The following IGF1 variants were observed in gnomAD, a reference collection of about 807,000 sequenced individuals.
The protein encoded by IGF1 is insulin like growth factor 1.
IGF1 carries 4 observed loss-of-function variants against 13.8 expected under a neutral mutation model. That is an observed-to-expected ratio of 0.29 (90% CI 0.14 to 0.66). IGF1 has a LOEUF of 0.66. Among genes scored for constraint, IGF1 ranks in the 30% least tolerant of loss-of-function variants. IGF1 has a pLI of 0.78. For synonymous variants in IGF1, 76 were observed against 72.6 expected (o/e 1.05, Z -0.23); for missense variants, 124 against 188.5 (o/e 0.66, Z 2.00).
At chr12:102,415,135 C>G (rs1592747102) in intron 3 of IGF1, among the ~76,000 whole-genome samples, 1 of 152,162 alleles carries the variant, frequency 6.6e-6, no homozygotes, top group Non-Finnish European at 1.5e-5. Context: ...GTACTTGCCT[C>G]ACTGTCTTGT....
intron 2 of IGF1, among the ~76,000 whole-genome samples, chr12:102,429,088 G>C (rs1876503069): frequency 6.6e-6 from 1 of 152,122 alleles, no homozygotes; most frequent in Non-Finnish European, 1.5e-5. Flanking sequence ...TCTATACGAA[G>C]AGTGCTCAAG....
intron 2 of IGF1, among the ~76,000 whole-genome samples, chr12:102,470,015 G>A (rs1198107108): frequency 6.6e-6 from 1 of 151,988 alleles, no homozygotes; most frequent in Non-Finnish European, 1.5e-5. Flanking sequence ...TAATTAATTG[G>A]GCCGTTCATA....
rs1048609295 is a variant in IGF1, at chr12:102,396,748, A to G, written c.*5759T>C. On this transcript the variant is annotated 3_prime_UTR_variant, in exon 4 of 4. Coordinates refer to ENST00000337514, the MANE Select transcript of IGF1 (RefSeq NM_000618.5). Reference sequence around the variant, plus strand: ...AGAAACTCTGTCTCCATCTTAACTCATATTTCAGTTGAGCAGTAACATTTG... The same window carrying G: ...AGAAACTCTGTCTCCATCTTAACTCGTATTTCAGTTGAGCAGTAACATTTG... The G allele has an allele frequency of 5.1e-6, 2 of 396,000 alleles. No individual in the cohort carries two copies. The highest frequency in any genetic ancestry group is 4.5e-6 in the Non-Finnish European group (1 of 224,596). 24.5% of individuals were successfully genotyped at this position (396,000 alleles called of 1,614,324 possible).
In IGF1 at chr12:102,396,079, T is replaced by A. The variant is rs914711036; in HGVS notation, c.*6428A>T. 10 of 152,216 alleles carry A rather than the reference T, an allele frequency of 6.6e-5. No individual in the cohort carries two copies. The highest frequency in any genetic ancestry group is 2.9e-5 in the Non-Finnish European group (2 of 68,018). 9.4% of individuals were successfully genotyped at this position (152,216 alleles called of 1,614,324 possible). ...ATAATAATTTCAAATACAATCAGAA[T>A]TAATTTAATAAAAAATATGCTTTTC... On this transcript the variant is annotated 3_prime_UTR_variant, in exon 4 of 4. Transcript: ENST00000337514.
At chr12:102,419,195 C>T (rs1157590679) in intron 3 of IGF1, among the ~76,000 whole-genome samples, 2 of 152,194 alleles carry the variant, frequency 1.3e-5, no homozygotes, top group African/African-American at 4.8e-5. Flanking sequence ...GGGTACATCA[C>T]ATTATTTGCC....
intron 3 of IGF1, among the ~76,000 whole-genome samples, chr12:102,410,325 G>A (rs1015504011): frequency 1.3e-5 from 2 of 152,140 alleles, no homozygotes; most frequent in Admixed American, 6.5e-5. Context: ...GATTTTATGG[G>A]CAGCTTGTTT....
At position 102,422,046 on chromosome 12, in the gene IGF1, G is replaced by C. The variant is rs5742668; in HGVS notation, c.221-2356C>G. On this transcript the variant is annotated intron_variant, in intron 2 of 3. Transcript: ENST00000337514. ...GCAAAAAAAATAACAGGAAATACCA[G>C]GCATCTGGTTTATCACCTTGCTTAA... 1.9e-3 allele frequency among the ~76,000 whole-genome samples: 283 copies of C among 152,166 alleles called. 1 individual carries two copies. Among genetic ancestry groups the C allele is most frequent in the African/African-American group, 6.4e-3 (267 of 41,498 alleles).
chr12:102,415,392 T>C (rs1454551420), intron 3 of IGF1, among the ~76,000 whole-genome samples: 2 of 152,234 alleles, frequency 1.3e-5, no homozygotes, highest in Admixed American at 1.3e-4. Flanking sequence ...CTTTCTGTTT[T>C]CTTGGTTCAT....
chr12:102,408,957 T>G (rs755210844), intron 3 of IGF1, among the ~76,000 whole-genome samples: 3 of 151,276 alleles, frequency 2.0e-5, no homozygotes, highest in Non-Finnish European at 4.4e-5. Flanking sequence ...CCCTGCTCAT[T>G]TAACACCTTC....
rs951567310 is a variant in IGF1 at position 102,465,406 on chromosome 12, G to A, written c.220+10237C>T. The stretch of plus-strand genomic sequence containing the variant: ...GATAAGCTATGTAAGGCTCAAGGAC[G>A]TTAAGTGACTTCTCCAAGGTCATAG... On this transcript the variant is annotated intron_variant, in intron 2 of 3. Transcript: ENST00000337514. 6.6e-5 allele frequency among the ~76,000 whole-genome samples: 10 copies of A among 152,286 alleles called. No individual in the cohort carries two copies. In the East Asian group the frequency reaches 1.4e-3, roughly 21 times the overall value.
Position 102,402,272 on chromosome 12 carries a change from A to G in IGF1, c.*235T>C. ...TTTTTTTTCTTTTCTATAGAACATT[A>G]TTGATAAAAGATCAACAGCAATCTA... On this transcript the variant is annotated 3_prime_UTR_variant, in exon 4 of 4. Transcript: ENST00000337514. The G allele has an allele frequency of 2.2e-6, 1 of 458,902 alleles. No individual in the cohort carries two copies. Among genetic ancestry groups the G allele is most frequent in the Admixed American group, 3.5e-5 (1 of 28,248 alleles). 28.4% of individuals were successfully genotyped at this position (458,902 alleles called of 1,614,324 possible). A position where few individuals can be genotyped will look rare whatever the true frequency, so the allele number is the denominator to read the frequency against.
chr12:102,409,227 T>C (rs569442290), intron 3 of IGF1, among the ~76,000 whole-genome samples: 3 of 152,302 alleles, frequency 2.0e-5, no homozygotes, highest in African/African-American at 7.2e-5. Context: ...TTGAACCTAA[T>C]TGTTAGCACC....
chr12:102,433,307 C>T (rs1205315457), intron 2 of IGF1, among the ~76,000 whole-genome samples: 1 of 152,128 alleles, frequency 6.6e-6, no homozygotes, highest in Non-Finnish European at 1.5e-5. Flanking sequence ...AAGTTAACAA[C>T]ACAGAAAAAA....
rs1357184397 is a variant in IGF1 at position 102,402,543 on chromosome 12, A to T, written c.426T>A (p.Ser142Arg). Residue 142 changes from serine (S) to arginine (R), a missense_variant, in exon 4 of 4, where the codon AGT becomes AGA. By Grantham distance (110) the Ser-to-Arg change is moderately radical. Around this residue, in one of 2 missense-constraint regions of IGF1, gnomAD observed 25 missense variants for 17.1 expected, o/e 1.47. Transcript: ENST00000337514. ...AGTTCTTGTTTCCTGCACTCCCTCTACTTGCGTTCTTCAAATGTACTTCCT... is the reference window on the plus strand; with the variant it reads ...AGTTCTTGTTTCCTGCACTCCCTCTTCTTGCGTTCTTCAAATGTACTTCCT... ...TQKEVHLKNA[S>R]RGSAGNKNYR... 2.6e-6 allele frequency: 2 copies of T among 780,820 alleles called. No homozygotes were observed. The highest frequency in any genetic ancestry group is 4.8e-6 in the Non-Finnish European group (2 of 417,972). The allele number at this position is 780,820 out of a possible 1,614,324, so 48.4% of individuals were successfully genotyped here.
intron 2 of IGF1, among the ~76,000 whole-genome samples, chr12:102,438,534 A>G (rs1228507654): frequency 1.3e-5 from 2 of 152,242 alleles, no homozygotes; most frequent in African/African-American, 2.4e-5. Context: ...ATGGTACTGA[A>G]GTCCACTTTC....
chr12:102,480,461 T>G lies in IGF1; in HGVS notation c.-80A>C. The G allele has an allele frequency of 6.2e-7, 1 of 1,605,318 alleles. No individual in the cohort carries two copies. Among genetic ancestry groups the G allele is most frequent in the Non-Finnish European group, 8.5e-7 (1 of 1,176,558 alleles). On this transcript the variant is annotated 5_prime_UTR_variant, in exon 1 of 4. Transcript: ENST00000337514. ...AAAAGAAATCCAGAGAGATGGGAGATGTTGAGAGCAATGTCACATTTCAAT... is the reference window on the plus strand; with the variant it reads ...AAAAGAAATCCAGAGAGATGGGAGAGGTTGAGAGCAATGTCACATTTCAAT...
chr12:102,419,294 A>G (rs1443912727), intron 3 of IGF1, among the ~76,000 whole-genome samples: 1 of 152,234 alleles, frequency 6.6e-6, no homozygotes. Context: ...GTTTTGTAAC[A>G]TCTTCCAATC....
intron 2 of IGF1, among the ~76,000 whole-genome samples, chr12:102,435,239 T>C (rs1476138804): frequency 2.0e-5 from 3 of 152,208 alleles, no homozygotes; most frequent in Non-Finnish European, 2.9e-5. Flanking sequence ...ACCTCTCAGG[T>C]TGCATCCAAA....
chr12:102,412,659 G>T (rs1017124055), intron 3 of IGF1, among the ~76,000 whole-genome samples: 7 of 152,064 alleles, frequency 4.6e-5, no homozygotes, highest in Non-Finnish European at 1.5e-5. Context: ...ATGTTTTCTA[G>T]CTCCTGTTAC....
Sources: allele counts gnomAD v4.1 joint callset (sites outside exome capture counted in the v4.1 genomes callset), GRCh38; gene constraint gnomAD v4.1.1; regional missense constraint gnomAD v4.1.1; transcripts MANE v1.5; gene names NCBI Gene and HGNC (gene_info 2026-07-23, HGNC 2026-07-21).